Variants in TCOF1 observed in about 807,000 individuals in gnomAD.
TCOF1 encodes the protein treacle ribosome biogenesis factor 1, also known as treacle protein.
In TCOF1, 33 loss-of-function variants were observed where a neutral mutation model predicts 149.0. That is an observed-to-expected ratio of 0.22 (90% confidence interval 0.17 to 0.30). The LOEUF (loss-of-function observed/expected upper bound fraction) is 0.30. TCOF1 is among the 10% of genes least tolerant of loss of function. The pLI is 1.00. For synonymous variants in TCOF1, 789 were observed against 738.8 expected (o/e 1.07, Z -1.10); for missense variants, 1,728 against 1,840.7 (o/e 0.94, Z 1.12).
In TCOF1 at chr5:150,378,944, C is replaced by T; in HGVS notation, c.2380C>T (p.Pro794Ser). The stretch of plus-strand genomic sequence containing the variant: ...AAAGAAAACCCAGGCCAAAGCCAAC[C>T]CAGCTGCCGCCAGAGCACCTTCAGC... ...SVKKTQAKAN[P>S]AAARAPSAKG... is the part of the protein sequence containing the mutation. Residue 794 changes from proline to serine, a missense_variant, in exon 15 of 27, where the codon CCA becomes TCA. Pro to Ser is a moderately conservative substitution (Grantham distance 74, BLOSUM62 -1). Coordinates refer to ENST00000643257, the MANE Select transcript of TCOF1 (RefSeq NM_001371623.1). 1 of 1,614,126 alleles carries T rather than the reference C, an allele frequency of 6.2e-7. No individual in the cohort carries two copies. Among genetic ancestry groups the T allele is most frequent in the Non-Finnish European group, 8.5e-7 (1 of 1,180,042 alleles).
At chr5:150,382,984 C>T (rs1765533098) in intron 17 of TCOF1, 1 of 1,182,404 alleles carries the variant, frequency 8.5e-7, no homozygotes, top group African/African-American at 1.5e-5. Context: ...GCCTGAGGGT[C>T]ATTGCCTACT....
At chr5:150,376,689 G>T in intron 14 of TCOF1, 69 bp downstream of exon 14, 1 of 1,497,668 alleles carries the variant, frequency 6.7e-7, no homozygotes, top group Non-Finnish European at 9.1e-7. Flanking sequence ...GGATGGGCTT[G>T]ACTGGGGGCT....
rs1385307332 is a variant in TCOF1, at chr5:150,357,878, G to A, written c.108+24G>A. 4.5e-6 allele frequency: 7 copies of A among 1,546,380 alleles called. No homozygotes were observed. In the Admixed American group the frequency reaches 5.9e-5, roughly 13 times the overall value. On this transcript the variant is annotated intron_variant, in intron 1 of 26. Coordinates refer to ENST00000643257, the MANE Select transcript of TCOF1 (RefSeq NM_001371623.1). Reference sequence around the variant, plus strand: ...AGGTAAGCGTTCGTGGGCCGTGTGCGAGGGCCGCGTGCAAGATGTGGAGAT... The same window carrying A: ...AGGTAAGCGTTCGTGGGCCGTGTGCAAGGGCCGCGTGCAAGATGTGGAGAT...
intron 17 of TCOF1, chr5:150,384,729 T>C (rs1765930366): frequency 2.0e-6 from 2 of 985,364 alleles, no homozygotes; most frequent in African/African-American, 1.7e-5. Context: ...CCCAGGAGGA[T>C]TCGGGGAAGA....
At chr5:150,380,243 G>A (rs986928276) in intron 17 of TCOF1, 2 of 183,824 alleles carry the variant, frequency 1.1e-5, no homozygotes, top group African/African-American at 2.4e-5. Flanking sequence ...CCCCCCAAAC[G>A]AAGACTTCCG....
chr5:150,379,382 G>A lies in TCOF1; in HGVS notation c.2632G>A (p.Glu878Lys). The A allele has an allele frequency of 6.2e-7, 1 of 1,614,038 alleles. No homozygotes were observed. Among genetic ancestry groups the A allele is most frequent in the South Asian group, 1.1e-5 (1 of 91,076 alleles). The change falls in exon 16 of 27, where the codon GAG (glutamate) becomes AAG (lysine). Residue 878 changes from glutamate (E) to lysine (K), a missense_variant. By Grantham distance (56) the Glu-to-Lys change is moderately conservative. Coordinates refer to ENST00000643257, the MANE Select transcript of TCOF1 (RefSeq NM_001371623.1). Reference protein sequence around the residue: ...SGSSEEESDSEEEAETLAQVK... With the variant: ...SGSSEEESDSKEEAETLAQVK... ...GAGCAGTGAGGAGGAGTCAGACAGTGAGGAGGAGGCGGAGACGCTGGCTCA... is the reference window on the plus strand; with the variant it reads ...GAGCAGTGAGGAGGAGTCAGACAGTAAGGAGGAGGCGGAGACGCTGGCTCA...
At chr5:150,365,742 G>A (rs1169782787) in intron 3 of TCOF1, among the ~76,000 whole-genome samples, 1 of 151,890 alleles carries the variant, frequency 6.6e-6, no homozygotes, top group Non-Finnish European at 1.5e-5. Context: ...GTCTTGCCAT[G>A]TTGCCTAGAC....
chr5:150,390,078 C>T, intron 19 of TCOF1, 55 bp downstream of exon 19: 1 of 1,557,474 alleles, frequency 6.4e-7, no homozygotes, highest in Non-Finnish European at 8.7e-7. Context: ...GCCCTACTTC[C>T]ATACTTACCC....
chr5:150,395,384 A>G (rs1156444665), intron 23 of TCOF1, among the ~76,000 whole-genome samples: 1 of 152,124 alleles, frequency 6.6e-6, no homozygotes, highest in Non-Finnish European at 1.5e-5. Context: ...AGTCACTTGG[A>G]AGTTAGAGCC....
intron 8 of TCOF1, 79 bp from the exon 9 acceptor site, chr5:150,374,538 C>A: frequency 6.2e-7 from 1 of 1,601,344 alleles, no homozygotes; most frequent in South Asian, 1.1e-5. Context: ...TTTGCCCTAT[C>A]TGGTCTTCTG....
chr5:150,375,194 T>C, intron 10 of TCOF1, 31 bp downstream of exon 10: 1 of 1,612,594 alleles, frequency 6.2e-7, no homozygotes, highest in East Asian at 2.2e-5. Context: ...GCATGGCCTG[T>C]GCCCTGCCTC....
chr5:150,389,066 GC>G (rs1272874027), intron 18 of TCOF1, among the ~76,000 whole-genome samples: 1 of 152,136 alleles, frequency 6.6e-6, no homozygotes, highest in Non-Finnish European at 1.5e-5. Flanking sequence ...CATAGTGAGA[GC>G]CCTATCTCTA....
At chr5:150,384,040 C>A in intron 17 of TCOF1, 1 of 1,359,998 alleles carries the variant, frequency 7.4e-7, no homozygotes, top group African/African-American at 1.5e-5. Flanking sequence ...GCACCAGCTC[C>A]CCTGTCCCAG....
In TCOF1 at chr5:150,369,409, A is replaced by AC. The variant is rs1194406681; in HGVS notation, c.566-119dup. ...TCACAGCTCAGTGCATGTGAGGCACACGAGGGGTGAGCGCTCAGCACCTGG... is the reference window on the plus strand; with the variant it reads ...TCACAGCTCAGTGCATGTGAGGCACACCGAGGGGTGAGCGCTCAGCACCTGG... On this transcript the variant is annotated intron_variant, in intron 5 of 26. Coordinates refer to ENST00000643257, the MANE Select transcript of TCOF1 (RefSeq NM_001371623.1). 4 of 1,137,954 alleles carry AC rather than the reference A, an allele frequency of 3.5e-6. No homozygotes were observed. In the Admixed American group the frequency reaches 7.1e-5, roughly 20 times the overall value. 70.5% of individuals were successfully genotyped at this position (1,137,954 alleles called of 1,614,324 possible). A position where few individuals can be genotyped will look rare whatever the true frequency, so the allele number is the denominator to read the frequency against.
chr5:150,374,622 G>A lies in TCOF1; in HGVS notation c.1089G>A (p.Lys363=). The change falls in exon 9 of 27, where the codon AAG becomes AAA. Residue 363 remains lysine (K), a synonymous_variant. Coordinates refer to ENST00000643257, the MANE Select transcript of TCOF1 (RefSeq NM_001371623.1). The stretch of plus-strand genomic sequence containing the variant: ...CCCTTGTCTTGTTTCTCCAGGCGAA[G>A]GCCTCAGGAAAAACCTCTCAGGTCG... The part of the protein sequence containing the change: ...TPAAKALLQA[K]ASGKTSQVGA... The A allele has an allele frequency of 6.2e-7, 1 of 1,612,288 alleles. No individual in the cohort carries two copies. Among genetic ancestry groups the A allele is most frequent in the South Asian group, 1.1e-5 (1 of 90,984 alleles).
chr5:150,398,896 C>A, intron 25 of TCOF1, 126 bp from the exon 26 acceptor site: 1 of 1,333,720 alleles, frequency 7.5e-7, no homozygotes, highest in Non-Finnish European at 1.1e-6. Context: ...TTTGCCTCTG[C>A]CCTTGGAGGT....
intron 24 of TCOF1, among the ~76,000 whole-genome samples, chr5:150,397,153 CAAAAAA>C (rs58246300): frequency 4.5e-5 from 4 of 88,720 alleles, no homozygotes; most frequent in South Asian, 4.3e-4. Flanking sequence ...GCAAGACTGT[CAAAAAA>C]AAAAAAAAAA....
chr5:150,400,056 T>C lies in TCOF1; in HGVS notation c.*269T>C, dbSNP rs1398237168. Reference sequence around the variant, plus strand: ...ACGCTTCATATAGATGTGTACAGTATATGTATTTTTTTAAGTGACCTCCTC... The same window carrying C: ...ACGCTTCATATAGATGTGTACAGTACATGTATTTTTTTAAGTGACCTCCTC... On this transcript the variant is annotated 3_prime_UTR_variant, in exon 27 of 27. Coordinates refer to ENST00000643257, the MANE Select transcript of TCOF1 (RefSeq NM_001371623.1). The C allele has an allele frequency of 6.6e-6, 1 of 152,168 alleles. No homozygotes were observed. Among genetic ancestry groups the C allele is most frequent in the Non-Finnish European group, 1.5e-5 (1 of 68,112 alleles). The allele number at this position is 152,168 out of a possible 1,614,324, so 9.4% of individuals were successfully genotyped here.
chr5:150,368,678 G>A (rs1333177279), intron 4 of TCOF1, 38 bp from the exon 5 acceptor site: 1 of 1,612,942 alleles, frequency 6.2e-7, no homozygotes, highest in Non-Finnish European at 8.5e-7. Flanking sequence ...AGTTCACCAT[G>A]CCATACCAGA....
Sources: gnomAD v4.1 joint callset for allele counts (sites outside exome capture counted in the v4.1 genomes callset) on GRCh38, gnomAD v4.1.1 for gene constraint, MANE v1.5 for transcripts, NCBI Gene and HGNC (gene_info 2026-07-23, HGNC 2026-07-21) for gene names.